CALCRL: variants seen among roughly 807,000 people sequenced by gnomAD.
CALCRL encodes the protein calcitonin receptor like receptor.
Under a neutral mutation model 60.4 loss-of-function variants are expected in CALCRL, and 27 were observed. The observed-to-expected ratio is 0.45, with a 90% CI of 0.33 to 0.62. CALCRL has a LOEUF of 0.62. CALCRL is among the 20% of genes least tolerant of loss of function. The pLI, the probability that CALCRL is intolerant of heterozygous loss-of-function variation, is 0.03. For missense variants in CALCRL, 424 were observed against 540.7 expected (o/e 0.78, Z 2.14); for synonymous variants, 190 against 182.6 (o/e 1.04, Z -0.33).
intron 1 of CALCRL, among the ~76,000 whole-genome samples, chr2:187,393,097 C>T (rs1056055508): frequency 6.6e-6 from 1 of 152,048 alleles, no homozygotes; most frequent in Non-Finnish European, 1.5e-5. Context: ...ATTGAGTGAG[C>T]AGGTGCCAAA....
At chr2:187,438,042 CAGAAGAAAGAAAACCTT>C (rs1244417311) in intron 1 of CALCRL, among the ~76,000 whole-genome samples, 1 of 151,958 alleles carries the variant, frequency 6.6e-6, no homozygotes, top group Non-Finnish European at 1.5e-5. Context: ...TATTTGAACT[CAGAAGAAAGAAAACCTT>C]AATAGTGACA....
intron 1 of CALCRL, among the ~76,000 whole-genome samples, chr2:187,419,004 G>A (rs1241967595): frequency 2.1e-5 from 3 of 144,544 alleles, no homozygotes; most frequent in Admixed American, 1.4e-4. Flanking sequence ...TTACAGGCAC[G>A]CACCACCACG....
Position 187,344,983 on chromosome 2 carries a change from T to C in CALCRL, c.*1201A>G, listed in dbSNP as rs1435889493. 6.6e-6 allele frequency: 1 copy of C among 151,756 alleles called. No individual in the cohort carries two copies. Among genetic ancestry groups the C allele is most frequent in the Admixed American group, 6.6e-5 (1 of 15,154 alleles). 9.4% of individuals were successfully genotyped at this position (151,756 alleles called of 1,614,324 possible). ...GAGTTATCAAAACAAATATATTCAA[T>C]AAAATAGTGACCTTGTGTTTTTAAA... On this transcript the variant is annotated 3_prime_UTR_variant, in exon 15 of 15. Coordinates refer to ENST00000392370, the MANE Select transcript of CALCRL (RefSeq NM_005795.6).
chr2:187,419,636 T>C (rs1689780529), intron 1 of CALCRL, among the ~76,000 whole-genome samples: 1 of 152,244 alleles, frequency 6.6e-6, no homozygotes, highest in Non-Finnish European at 1.5e-5. Flanking sequence ...TTAAATTATC[T>C]AATTTTAAAC....
intron 14 of CALCRL, among the ~76,000 whole-genome samples, chr2:187,346,654 G>A (rs976625006): frequency 1.3e-5 from 2 of 151,698 alleles, no homozygotes; most frequent in African/African-American, 4.8e-5. Flanking sequence ...TGTCTTCAAA[G>A]CTTTTATAAT....
Position 187,342,613 on chromosome 2 carries a change from A to C in CALCRL, c.*3571T>G, listed in dbSNP as rs1309807003. 6.6e-6 allele frequency among the ~76,000 whole-genome samples: 1 copy of C among 151,678 alleles called. No individual in the cohort carries two copies. The highest frequency in any genetic ancestry group is 2.4e-5 in the African/African-American group (1 of 41,406). ...ACAAGGAGGAGAGATTATAAGAAAA[A>C]AACACAAGTGTTTTAAATGGGCATT... On this transcript the variant is annotated 3_prime_UTR_variant, in exon 15 of 15. Coordinates refer to ENST00000392370, the MANE Select transcript of CALCRL (RefSeq NM_005795.6).
chr2:187,446,318 T>A (rs1691181804), intron 1 of CALCRL, among the ~76,000 whole-genome samples: 1 of 151,744 alleles, frequency 6.6e-6, no homozygotes, highest in Admixed American at 6.6e-5. Flanking sequence ...TATTTCAAAC[T>A]TCCAGTTATG....
intron 9 of CALCRL, among the ~76,000 whole-genome samples, chr2:187,362,208 A>T (rs1291204679): frequency 6.6e-6 from 1 of 152,084 alleles, no homozygotes; most frequent in Non-Finnish European, 1.5e-5. Flanking sequence ...GTGTTTATTA[A>T]ACACATCTTT....
In CALCRL at chr2:187,397,293, GGTT is replaced by G. The variant is rs1426996504; in HGVS notation, c.-292-9540_-292-9538del. 2.6e-5 allele frequency among the ~76,000 whole-genome samples: 4 copies of G among 151,422 alleles called. 1 individual carries two copies. Among genetic ancestry groups the G allele is most frequent in the Middle Eastern group, 6.8e-3 (2 of 294 alleles). ...TTTTTATCTTCTGCAGAAATAATGT[GGTT>G]GTTTTTTATTCTGTCATTTAAGTAG... On this transcript the variant is annotated intron_variant, in intron 1 of 14. Coordinates refer to ENST00000392370, the MANE Select transcript of CALCRL (RefSeq NM_005795.6).
intron 1 of CALCRL, among the ~76,000 whole-genome samples, chr2:187,441,368 G>A (rs1221193032): frequency 6.6e-6 from 1 of 151,922 alleles, no homozygotes; most frequent in Non-Finnish European, 1.5e-5. Flanking sequence ...CTCTAGTTAA[G>A]ATATTGAGTC....
Position 187,355,591 on chromosome 2 carries a change from G to A in CALCRL, c.910-3259C>T, listed in dbSNP as rs530978960. ...GTATTTAAAAAGAGTCTGAAGAGAC[G>A]AATGAGGAAGCTTTGAATTTTACAT... is the stretch of plus-strand genomic sequence containing the variant. On this transcript the variant is annotated intron_variant, in intron 12 of 14. Transcript: ENST00000392370. Among the ~76,000 whole-genome samples, 76 of 152,142 alleles carry A rather than the reference G, an allele frequency of 5.0e-4. 1 individual carries two copies. Among genetic ancestry groups the A allele is most frequent in the African/African-American group, 1.7e-3 (70 of 41,542 alleles).
At chr2:187,435,590 T>C (rs890602355) in intron 1 of CALCRL, among the ~76,000 whole-genome samples, 2 of 152,162 alleles carry the variant, frequency 1.3e-5, no homozygotes, top group Admixed American at 6.5e-5. Flanking sequence ...AAGGTTTTTG[T>C]AGAAAAGTAT....
intron 8 of CALCRL, among the ~76,000 whole-genome samples, chr2:187,374,910 C>G (rs1008779530): frequency 1.1e-4 from 17 of 152,110 alleles, no homozygotes; most frequent in African/African-American, 3.6e-4. Context: ...TAAGTCCATA[C>G]TATTAGCAAG....
chr2:187,385,427 C>G (rs1688165809), intron 4 of CALCRL, 118 bp downstream of exon 4: 3 of 599,804 alleles, frequency 5.0e-6, no homozygotes, highest in South Asian at 4.8e-5. Flanking sequence ...ATTGCTGTAT[C>G]AATTGGATAT....
At chr2:187,366,249 C>CAAAAAAAAAAAAAAAAAAAAAAAAA (rs59586461) in intron 8 of CALCRL, among the ~76,000 whole-genome samples, 2 of 94,612 alleles carry the variant, frequency 2.1e-5, no homozygotes, top group African/African-American at 9.1e-5. Flanking sequence ...GACTCCGTCT[C>CAAAAAAAAAAAAAAAAAAAAAAAAA]AAAAAAAAAA....
chr2:187,383,846 A>G (rs545045377), intron 4 of CALCRL, among the ~76,000 whole-genome samples: 4 of 152,250 alleles, frequency 2.6e-5, no homozygotes, highest in African/African-American at 9.6e-5. Context: ...ATGTTGGTAA[A>G]TAGAAATTTT....
chr2:187,373,911 G>A (rs1012878934), intron 8 of CALCRL, among the ~76,000 whole-genome samples: 39 of 152,072 alleles, frequency 2.6e-4, no homozygotes, highest in Admixed American at 2.0e-3. Context: ...TTGTAATCCC[G>A]ACAGTTTGGG....
chr2:187,427,942 T>C (rs1336608379), intron 1 of CALCRL, among the ~76,000 whole-genome samples: 2 of 152,176 alleles, frequency 1.3e-5, no homozygotes, highest in Non-Finnish European at 1.5e-5. Flanking sequence ...ACCTCTCCCA[T>C]ATCTGCTATC....
chr2:187,383,184 T>C lies in CALCRL; in HGVS notation c.173A>G (p.Gln58Arg). 1 of 1,608,526 alleles carries C rather than the reference T, an allele frequency of 6.2e-7. No homozygotes were observed. Among genetic ancestry groups the C allele is most frequent in the Non-Finnish European group, 8.5e-7 (1 of 1,178,922 alleles). The change falls in exon 5 of 15, where the codon CAA (glutamine) becomes CGA (arginine). Residue 58 changes from glutamine (Q) to arginine (R), a missense_variant. Coordinates refer to ENST00000392370, the MANE Select transcript of CALCRL (RefSeq NM_005795.6). ...GTAGCCATGCTTACCTTCTGCTTGT[T>C]GAATGGGGTCTTGCATAATCTTTTG... ...CYQKIMQDPI[Q>R]QAEGVYCNRT...
Sources: gnomAD v4.1 joint callset for allele counts (sites outside exome capture counted in the v4.1 genomes callset) on GRCh38, gnomAD v4.1.1 for gene constraint, MANE v1.5 for transcripts, NCBI Gene and HGNC (gene_info 2026-07-23, HGNC 2026-07-21) for gene names.